Variants in FRMD3 observed in about 807,000 individuals in gnomAD.
FRMD3 encodes FERM domain containing 3, also known as FERM domain-containing protein 3.
Under a neutral mutation model 70.2 loss-of-function variants are expected in FRMD3, and 33 were observed. The ratio of observed to expected loss-of-function variants is 0.47; its 90% CI spans 0.36 to 0.63. The LOEUF is 0.63. Ranked by LOEUF, FRMD3 falls within the 20% of genes least tolerant of loss-of-function variation. The pLI is 0.00. For synonymous variants in FRMD3, 279 were observed against 255.9 expected (o/e 1.09, Z -0.86); for missense variants, 632 against 711.4 (o/e 0.89, Z 1.27).
At chr9:83,500,502 G>GCGCACACACACA (rs1367435493) in intron 1 of FRMD3, among the ~76,000 whole-genome samples, 13 of 143,818 alleles carry the variant, frequency 9.0e-5, no homozygotes, top group African/African-American at 3.3e-4. Context: ...GTGTATGCGC[G>GCGCACACACACA]CACACACACA....
intron 2 of FRMD3, among the ~76,000 whole-genome samples, chr9:83,374,012 G>A (rs1265188151): frequency 1.3e-5 from 2 of 152,144 alleles, no homozygotes; most frequent in Non-Finnish European, 2.9e-5. Flanking sequence ...GCCAAGTGCC[G>A]TTCAAACATT....
At chr9:83,495,293 C>CT (rs1828919336) in intron 1 of FRMD3, among the ~76,000 whole-genome samples, 1 of 152,080 alleles carries the variant, frequency 6.6e-6, no homozygotes, top group African/African-American at 2.4e-5. Context: ...CCATCTGTGT[C>CT]CAAAACTGCC....
intron 1 of FRMD3, among the ~76,000 whole-genome samples, chr9:83,407,841 C>CAG (rs1826152686): frequency 3.3e-5 from 3 of 90,602 alleles, no homozygotes; most frequent in African/African-American, 1.2e-4. Context: ...TGTTGAGTCT[C>CAG]TCTCTCTCTC....
chr9:83,544,201 G>GTGGCCTA, the FRMD3 span, among the ~76,000 whole-genome samples: 1 of 6,950 alleles, frequency 1.4e-4, no homozygotes, highest in African/African-American at 3.0e-4. Context: ...CAGCTACATT[G>GTGGCCTA]AAGTGTCTGT....
At chr9:83,307,453 T>C (rs1167662221) in intron 10 of FRMD3, among the ~76,000 whole-genome samples, 3 of 152,250 alleles carry the variant, frequency 2.0e-5, no homozygotes, top group Admixed American at 1.3e-4. Context: ...ATGTGGTCTA[T>C]TGAAACAATG....
At chr9:83,330,074 C>T (rs1836194073) in intron 6 of FRMD3, among the ~76,000 whole-genome samples, 1 of 152,086 alleles carries the variant, frequency 6.6e-6, no homozygotes, top group Non-Finnish European at 1.5e-5. Flanking sequence ...ACAAAAAGAA[C>T]AGAGGACTGG....
chr9:83,506,549 G>A (rs887706976), intron 1 of FRMD3, among the ~76,000 whole-genome samples: 55 of 152,256 alleles, frequency 3.6e-4, no homozygotes, highest in African/African-American at 1.3e-3. Context: ...GACTTAAAAT[G>A]GCTCCCCTAT....
At chr9:83,496,166 G>A (rs1828937935) in intron 1 of FRMD3, among the ~76,000 whole-genome samples, 1 of 152,038 alleles carries the variant, frequency 6.6e-6, no homozygotes, top group Non-Finnish European at 1.5e-5. Context: ...ATTTTTTAAT[G>A]GTAAAGGCAT....
intron 10 of FRMD3, among the ~76,000 whole-genome samples, chr9:83,305,548 A>T (rs762740528): frequency 4.6e-5 from 7 of 152,192 alleles, no homozygotes; most frequent in Non-Finnish European, 7.3e-5. Flanking sequence ...ACTATGCCCC[A>T]GTGGTACAAG....
At chr9:83,326,492 T>C (rs1836023804) in intron 6 of FRMD3, among the ~76,000 whole-genome samples, 1 of 152,102 alleles carries the variant, frequency 6.6e-6, no homozygotes, top group Admixed American at 6.5e-5. Context: ...TAACTGCAAA[T>C]GCTCAGAGAA....
intron 13 of FRMD3, among the ~76,000 whole-genome samples, chr9:83,267,939 A>G (rs1272425438): frequency 6.6e-6 from 1 of 152,220 alleles, no homozygotes; most frequent in Non-Finnish European, 1.5e-5. Flanking sequence ...TCTCCATCTC[A>G]TAACAATGCT....
At chr9:83,423,091 C>T (rs894238015) in intron 1 of FRMD3, among the ~76,000 whole-genome samples, 3 of 152,046 alleles carry the variant, frequency 2.0e-5, no homozygotes, top group Admixed American at 6.5e-5. Context: ...GCACCAATTT[C>T]GATATTTTGA....
At chr9:83,552,212 C>T in the FRMD3 span, among the ~76,000 whole-genome samples, 8 of 152,106 alleles carry the variant, frequency 5.3e-5, no homozygotes, top group African/African-American at 1.9e-4. Context: ...TTGATTTCTG[C>T]CTTAATTTCA....
Position 83,333,058 on chromosome 9 carries a change from C to G in FRMD3, c.596+2458G>C, listed in dbSNP as rs117856174. 7.2e-3 allele frequency among the ~76,000 whole-genome samples: 1,090 copies of G among 152,356 alleles called. 10 individuals carry two copies. The highest frequency in any genetic ancestry group is 0.012 in the Non-Finnish European group (807 of 68,036). ...CACCTTCAGTCCCTGTAGCAGGTTTCCCAACAGACGCAAGAAAGCTCCTCT... is the reference window on the plus strand; with the variant it reads ...CACCTTCAGTCCCTGTAGCAGGTTTGCCAACAGACGCAAGAAAGCTCCTCT... On this transcript the variant is annotated intron_variant, in intron 6 of 13. Transcript: ENST00000304195.
chr9:83,526,659 A>G (rs772264492), intron 1 of FRMD3, among the ~76,000 whole-genome samples: 4 of 152,096 alleles, frequency 2.6e-5, no homozygotes, highest in African/African-American at 4.8e-5. Context: ...TCGCATCACT[A>G]TCTTTTCTAT....
At chr9:83,314,978 T>C (rs1197256601) in intron 6 of FRMD3, among the ~76,000 whole-genome samples, 6 of 152,214 alleles carry the variant, frequency 3.9e-5, no homozygotes, top group Non-Finnish European at 8.8e-5. Context: ...CTCTGAATTA[T>C]TTCTTAATTC....
At chr9:83,313,292 C>A (rs1331493790) in intron 7 of FRMD3, among the ~76,000 whole-genome samples, 1 of 152,034 alleles carries the variant, frequency 6.6e-6, no homozygotes, top group Non-Finnish European at 1.5e-5. Flanking sequence ...TGAAATCTTT[C>A]TTTTTTTTCC....
chr9:83,558,053 T>C, the FRMD3 span, among the ~76,000 whole-genome samples: 1 of 152,202 alleles, frequency 6.6e-6, no homozygotes, highest in South Asian at 2.1e-4. Flanking sequence ...CTGTTTTTTA[T>C]ATCAGAATGT....
intron 1 of FRMD3, among the ~76,000 whole-genome samples, chr9:83,526,751 A>G (rs1829691556): frequency 6.6e-6 from 1 of 152,210 alleles, no homozygotes; most frequent in Admixed American, 6.5e-5. Flanking sequence ...CTGTGCTAGG[A>G]ATATAGGAGA....
Sources: allele counts gnomAD v4.1 joint callset (sites outside exome capture counted in the v4.1 genomes callset), GRCh38; gene constraint gnomAD v4.1.1; transcripts MANE v1.5; gene names NCBI Gene and HGNC (gene_info 2026-07-23, HGNC 2026-07-21).